The following ATRNL1 variants were observed in gnomAD, a reference collection of about 807,000 sequenced individuals.
ATRNL1 encodes attractin-like protein 1.
ATRNL1 carries 95 observed loss-of-function variants against 182.7 expected under a neutral mutation model. The observed-to-expected ratio is 0.52, with a 90% CI of 0.44 to 0.62. The LOEUF (loss-of-function observed/expected upper bound fraction) is 0.62, where lower values mean the gene tolerates loss of function less well. ATRNL1 is among the 20% of genes least tolerant of loss of function. The probability of loss-of-function intolerance (pLI) is 0.00; values close to 1 mark genes in which losing one functional copy is unlikely to be tolerated. For synonymous variants in ATRNL1, 576 were observed against 568.3 expected (o/e 1.01, Z -0.19); for missense variants, 1,471 against 1,679.5 (o/e 0.88, Z 2.17).
intron 20 of ATRNL1, among the ~76,000 whole-genome samples, chr10:115,417,806 C>T (rs1010218650): frequency 2.0e-5 from 3 of 152,208 alleles, no homozygotes; most frequent in Non-Finnish European, 4.4e-5. Context: ...CCCTGCCAAC[C>T]TTGGAGCCCT....
At chr10:115,280,876 C>A (rs1852330768) in intron 13 of ATRNL1, among the ~76,000 whole-genome samples, 1 of 152,148 alleles carries the variant, frequency 6.6e-6, no homozygotes, top group African/African-American at 2.4e-5. Flanking sequence ...CGGGCGTAGG[C>A]CTTCCAGTAA....
At chr10:115,153,759 A>G (rs1471884668) in intron 5 of ATRNL1, among the ~76,000 whole-genome samples, 1 of 151,966 alleles carries the variant, frequency 6.6e-6, no homozygotes, top group Non-Finnish European at 1.5e-5. Context: ...GTCTTCTGCT[A>G]GCTTTTGAAT....
intron 21 of ATRNL1, among the ~76,000 whole-genome samples, chr10:115,428,195 A>G (rs1219192467): frequency 6.6e-6 from 1 of 151,914 alleles, no homozygotes; most frequent in Admixed American, 6.6e-5. Flanking sequence ...AAAATATTTC[A>G]TTCCTGATTT....
At chr10:115,854,737 C>T (rs1951140366) in intron 28 of ATRNL1, among the ~76,000 whole-genome samples, 1 of 152,200 alleles carries the variant, frequency 6.6e-6, no homozygotes, top group South Asian at 2.1e-4. Context: ...AAGTTTGAAA[C>T]CTTCAAATTA....
At chr10:115,653,808 T>TG (rs1252665416) in intron 26 of ATRNL1, among the ~76,000 whole-genome samples, 1 of 152,218 alleles carries the variant, frequency 6.6e-6, no homozygotes, top group Non-Finnish European at 1.5e-5. Flanking sequence ...TCCTGCACAG[T>TG]GCCCTGGCTC....
intron 24 of ATRNL1, among the ~76,000 whole-genome samples, chr10:115,502,363 G>A (rs1027720087): frequency 8.5e-5 from 13 of 152,086 alleles, no homozygotes; most frequent in Middle Eastern, 3.4e-3. Flanking sequence ...TGGAAAGTTT[G>A]TTAAATATCA....
chr10:115,875,743 A>G (rs1951685865), intron 28 of ATRNL1, among the ~76,000 whole-genome samples: 1 of 152,200 alleles, frequency 6.6e-6, no homozygotes, highest in African/African-American at 2.4e-5. Flanking sequence ...TAGAGCTTAT[A>G]GTCTGGTGTG....
At chr10:115,097,231 C>T (rs1425972923) in intron 1 of ATRNL1, among the ~76,000 whole-genome samples, 1 of 152,152 alleles carries the variant, frequency 6.6e-6, no homozygotes, top group Non-Finnish European at 1.5e-5. Context: ...GGCCTGTAAT[C>T]CCAGCACTTT....
At chr10:115,215,977 G>A (rs1384501080) in intron 9 of ATRNL1, 97 bp downstream of exon 9, 9 of 908,478 alleles carry the variant, frequency 9.9e-6, no homozygotes, top group Non-Finnish European at 6.2e-6. Flanking sequence ...TACTTTATAT[G>A]CATTCATTGT....
At chr10:115,581,517 A>G (rs1215151468) in intron 26 of ATRNL1, among the ~76,000 whole-genome samples, 1 of 152,186 alleles carries the variant, frequency 6.6e-6, no homozygotes, top group East Asian at 1.9e-4. Context: ...AATCACATGC[A>G]TTAAAACTCA....
At chr10:115,859,482 C>G (rs1199344342) in intron 28 of ATRNL1, among the ~76,000 whole-genome samples, 2 of 152,014 alleles carry the variant, frequency 1.3e-5, no homozygotes, top group African/African-American at 4.8e-5. Context: ...CACACAGAGC[C>G]CAGAAAAGGC....
intron 25 of ATRNL1, among the ~76,000 whole-genome samples, chr10:115,533,829 A>G (rs1213649375): frequency 6.6e-6 from 1 of 151,114 alleles, no homozygotes; most frequent in Admixed American, 6.6e-5. Context: ...GTTTCAAAAA[A>G]CATCTTTATT....
intron 21 of ATRNL1, among the ~76,000 whole-genome samples, chr10:115,429,510 CCTAT>C (rs2134406605): frequency 6.6e-6 from 1 of 152,068 alleles, no homozygotes; most frequent in Non-Finnish European, 1.5e-5. Context: ...TAAGCAAATT[CCTAT>C]CTTATTTTGT....
At chr10:115,462,073 G>T (rs1554969802) in intron 22 of ATRNL1, 38 bp downstream of exon 22, 2 of 1,455,912 alleles carry the variant, frequency 1.4e-6, no homozygotes, top group Non-Finnish European at 1.9e-6. Flanking sequence ...TATAATTATT[G>T]GACACAATTT....
rs1037937556 is a variant in ATRNL1 at position 115,113,892 on chromosome 10, G to A, written c.294-6293G>A. ...CTAGGACCTTCAGCTCTTTAGGGAT[G>A]TACTAAATGACTGGTATCATTGCTT... On this transcript the variant is annotated intron_variant, in intron 1 of 28. Transcript: ENST00000355044. Among the ~76,000 whole-genome samples, 4 of 152,250 alleles carry A rather than the reference G, an allele frequency of 2.6e-5. No individual in the cohort carries two copies. The South Asian group carries it at 6.2e-4, about 24-fold the overall frequency.
At chr10:115,500,295 A>G (rs1007823522) in intron 24 of ATRNL1, among the ~76,000 whole-genome samples, 1 of 152,204 alleles carries the variant, frequency 6.6e-6, no homozygotes, top group African/African-American at 2.4e-5. Flanking sequence ...AAATATGGGG[A>G]AAAAATAAGG....
rs59383182 is a variant in ATRNL1 at position 115,683,548 on chromosome 10, G to GTTTTTTTTTT, written c.3796-43693_3796-43684dup. 2.6e-4 allele frequency among the ~76,000 whole-genome samples: 29 copies of GTTTTTTTTTT among 110,950 alleles called. 1 individual carries two copies. Among genetic ancestry groups the GTTTTTTTTTT allele is most frequent in the Admixed American group, 3.5e-4 (3 of 8,592 alleles). The allele number at this position is 110,950 out of a possible 152,430, so 72.8% of individuals were successfully genotyped here. A position where few individuals can be genotyped will look rare whatever the true frequency, so the allele number is the denominator to read the frequency against. On this transcript the variant is annotated intron_variant, in intron 26 of 28. Transcript: ENST00000355044. The stretch of plus-strand genomic sequence containing the variant: ...ATATGGGAAGAAGAAGAGAACTAGC[G>GTTTTTTTTTT]TTTTTTTTTTTTTTTTGCATGCCTA...
intron 26 of ATRNL1, among the ~76,000 whole-genome samples, chr10:115,657,987 A>G (rs1555036477): frequency 6.6e-6 from 1 of 151,908 alleles, no homozygotes; most frequent in African/African-American, 2.4e-5. Context: ...AAATCTTGGC[A>G]TATAAATGTT....
At chr10:115,774,339 A>C (rs1949066072) in intron 27 of ATRNL1, among the ~76,000 whole-genome samples, 2 of 151,014 alleles carry the variant, frequency 1.3e-5, no homozygotes, top group Admixed American at 6.6e-5. Context: ...GAGGCAGAAG[A>C]AGCTTAACCC....
Sources: gnomAD v4.1 joint callset for allele counts (sites outside exome capture counted in the v4.1 genomes callset) on GRCh38, gnomAD v4.1.1 for gene constraint, MANE v1.5 for transcripts, NCBI Gene and HGNC (gene_info 2026-07-23, HGNC 2026-07-21) for gene names.